The following RBMS3 variants were observed in gnomAD, a reference collection of about 807,000 sequenced individuals.
The protein encoded by RBMS3 is RNA-binding motif, single-stranded-interacting protein 3.
Under a neutral mutation model 66.8 loss-of-function variants are expected in RBMS3, and 27 were observed. The observed-to-expected ratio is 0.40, with a 90% CI of 0.30 to 0.56. The LOEUF is 0.56. RBMS3 is among the 20% of genes least tolerant of loss of function. The pLI, the probability that RBMS3 is intolerant of heterozygous loss-of-function variation, is 0.40. For synonymous variants in RBMS3, 188 were observed against 183.0 expected (o/e 1.03, Z -0.22); for missense variants, 513 against 549.5 (o/e 0.93, Z 0.66).
intron 1 of RBMS3, among the ~76,000 whole-genome samples, chr3:29,296,983 T>C (rs2125438000): frequency 6.6e-6 from 1 of 151,722 alleles, no homozygotes; most frequent in South Asian, 2.1e-4. Context: ...TATATTATAC[T>C]TAATATACAT....
At chr3:29,825,477 G>A (rs1004283103) in intron 6 of RBMS3, among the ~76,000 whole-genome samples, 1 of 152,124 alleles carries the variant, frequency 6.6e-6, no homozygotes, top group African/African-American at 2.4e-5. Context: ...AGAGGTAATT[G>A]AATTATGGGG....
intron 3 of RBMS3, among the ~76,000 whole-genome samples, chr3:29,559,549 A>AAAAAAC (rs2046476958): frequency 7.0e-6 from 1 of 141,900 alleles, no homozygotes; most frequent in Non-Finnish European, 1.5e-5. Flanking sequence ...AAAAAAAAAA[A>AAAAAAC]AAAACCTGAC....
intron 6 of RBMS3, among the ~76,000 whole-genome samples, chr3:29,810,936 G>A (rs959033851): frequency 2.0e-5 from 3 of 152,206 alleles, no homozygotes; most frequent in East Asian, 1.9e-4. Flanking sequence ...TACTTTTGAT[G>A]TATGTATATT....
rs79453286 is a variant in RBMS3, at chr3:29,765,377, G to A, written c.637+2388G>A. Among the ~76,000 whole-genome samples the A allele has an allele frequency of 4.9e-3, 746 of 151,948 alleles. 4 individuals are homozygous for A. Among genetic ancestry groups the A allele is most frequent in the African/African-American group, 0.016 (677 of 41,506 alleles). On this transcript the variant is annotated intron_variant, in intron 6 of 14. Coordinates refer to ENST00000383767, the MANE Select transcript of RBMS3 (RefSeq NM_001003793.3). ...GAGTAGGATATCACTATGAGCTATG[G>A]CATCAGATATTTATACTTTTTTTAA...
chr3:29,383,754 G>C (rs1396431498), intron 1 of RBMS3, among the ~76,000 whole-genome samples: 3 of 152,144 alleles, frequency 2.0e-5, no homozygotes, highest in Admixed American at 6.6e-5. Context: ...TGACTATCCA[G>C]GTTCAAATTT....
intron 4 of RBMS3, 96 bp from the exon 5 acceptor site, chr3:29,739,621 GATT>G: frequency 1.8e-6 from 2 of 1,127,790 alleles, no homozygotes; most frequent in Middle Eastern, 2.1e-4. Context: ...GCATTTTGGA[GATT>G]ATTATCTAGA....
intron 4 of RBMS3, among the ~76,000 whole-genome samples, chr3:29,666,910 T>A (rs2050787827): frequency 6.6e-6 from 1 of 152,190 alleles, no homozygotes; most frequent in Non-Finnish European, 1.5e-5. Flanking sequence ...TAGCACCTAC[T>A]CACCTAATTT....
intron 14 of RBMS3, among the ~76,000 whole-genome samples, chr3:29,993,735 A>C (rs1699032258): frequency 1.3e-5 from 2 of 152,214 alleles, no homozygotes; most frequent in South Asian, 2.1e-4. Context: ...TGAGCCTGCC[A>C]GCTATAGAAC....
At chr3:29,794,349 G>C (rs1351012745) in intron 6 of RBMS3, among the ~76,000 whole-genome samples, 2 of 152,144 alleles carry the variant, frequency 1.3e-5, no homozygotes, top group Non-Finnish European at 2.9e-5. Flanking sequence ...CACTTTGGGA[G>C]GCTGAGGCAG....
intron 5 of RBMS3, among the ~76,000 whole-genome samples, chr3:29,759,806 TCCTATA>T (rs2055586290): frequency 2.0e-5 from 3 of 152,088 alleles, no homozygotes; most frequent in Non-Finnish European, 4.4e-5. Flanking sequence ...CCTTGGCAGC[TCCTATA>T]TTGCCATCTT....
rs758625774 is a variant in RBMS3, at chr3:29,593,693, C to A, written c.399+6488C>A. On this transcript the variant is annotated intron_variant, in intron 4 of 14. Coordinates refer to ENST00000383767, the MANE Select transcript of RBMS3 (RefSeq NM_001003793.3). ...CATTTTTCCCCCATGGGGACAAGGGCTGTAGGCTCAAACTGAAGCAGGAAT... is the reference window on the plus strand; with the variant it reads ...CATTTTTCCCCCATGGGGACAAGGGATGTAGGCTCAAACTGAAGCAGGAAT... Among the ~76,000 whole-genome samples, 32 of 152,316 alleles carry A rather than the reference C, an allele frequency of 2.1e-4. No individual in the cohort carries two copies. The Middle Eastern group carries it at 0.01, about 49-fold the overall frequency.
chr3:29,843,969 G>T (rs1246932098), intron 6 of RBMS3, among the ~76,000 whole-genome samples: 1 of 151,416 alleles, frequency 6.6e-6, no homozygotes, highest in Non-Finnish European at 1.5e-5. Flanking sequence ...AAAAAAAAAA[G>T]GTTGCTTTCA....
chr3:29,435,779 C>G (rs1269525823), intron 2 of RBMS3, among the ~76,000 whole-genome samples: 1 of 151,978 alleles, frequency 6.6e-6, no homozygotes, highest in Non-Finnish European at 1.5e-5. Flanking sequence ...GAAACCCCAT[C>G]CTGGCTAACA....
chr3:29,592,678 A>G (rs1303779217), intron 4 of RBMS3, among the ~76,000 whole-genome samples: 1 of 152,296 alleles, frequency 6.6e-6, no homozygotes, highest in African/African-American at 2.4e-5. Flanking sequence ...AAAGGATTAT[A>G]AATCATGCTG....
rs1350174531 is a variant in RBMS3, at chr3:29,281,718, C to T, written c.37C>T (p.Gln13Ter). Residue 13 changes from glutamine to a stop codon, truncating the protein, a stop_gained, in exon 1 of 15, where the codon CAG becomes TAG. Transcript: ENST00000383767. LOFTEE classifies it high-confidence loss of function. Reference protein sequence around the residue: ...KRLDQPQMYPQYTYYYPHYLQ... With the variant: ...KRLDQPQMYP ...CCTGGATCAGCCACAAATGTACCCC[C>T]AGTACACTTACTACTATCCTCATTA... is the stretch of plus-strand genomic sequence containing the variant. 1 of 1,613,602 alleles carries T rather than the reference C, an allele frequency of 6.2e-7. No individual in the cohort carries two copies. Among genetic ancestry groups the T allele is most frequent in the Non-Finnish European group, 8.5e-7 (1 of 1,179,732 alleles).
chr3:29,827,238 C>T (rs548440120), intron 6 of RBMS3, among the ~76,000 whole-genome samples: 5 of 152,142 alleles, frequency 3.3e-5, no homozygotes, highest in Non-Finnish European at 5.9e-5. Context: ...CTAGAAGACA[C>T]TTATGGATGC....
At chr3:29,392,130 G>A (rs1002033451) in intron 1 of RBMS3, among the ~76,000 whole-genome samples, 1 of 152,036 alleles carries the variant, frequency 6.6e-6, no homozygotes, top group Admixed American at 6.6e-5. Flanking sequence ...CAAGCCTGTA[G>A]TCCCAGCTAC....
intron 6 of RBMS3, among the ~76,000 whole-genome samples, chr3:29,844,768 C>T (rs2058739741): frequency 6.6e-6 from 1 of 152,062 alleles, no homozygotes; most frequent in South Asian, 2.1e-4. Context: ...AATACTGTAC[C>T]TTTACTGAAG....
In RBMS3 at chr3:29,429,131, T is replaced by G. The variant is rs115084845; in HGVS notation, c.76-5612T>G. On this transcript the variant is annotated intron_variant, in intron 1 of 14. Coordinates refer to ENST00000383767, the MANE Select transcript of RBMS3 (RefSeq NM_001003793.3). ...TGGAGTCAGAGTCCCTGGCCTCAAG[T>G]TGGGCTCCAGCTGTGTGACCTTGAG... Among the ~76,000 whole-genome samples, 479 of 152,306 alleles carry G rather than the reference T, an allele frequency of 3.1e-3. 4 individuals carry two copies. The highest frequency in any genetic ancestry group is 4.7e-3 in the Non-Finnish European group (323 of 68,026).
Sources: allele counts gnomAD v4.1 joint callset (sites outside exome capture counted in the v4.1 genomes callset), GRCh38; gene constraint gnomAD v4.1.1; transcripts MANE v1.5; gene names NCBI Gene and HGNC (gene_info 2026-07-23, HGNC 2026-07-21).